CHRM3: variants seen among roughly 807,000 people sequenced by gnomAD.
CHRM3 encodes muscarinic acetylcholine receptor M3.
A neutral mutation model predicts 41.8 loss-of-function variants in CHRM3; 11 were observed. The ratio of observed to expected loss-of-function variants is 0.26; its 90% CI spans 0.17 to 0.44. CHRM3 has a LOEUF of 0.44. Ranked by LOEUF, CHRM3 falls within the 20% of genes least tolerant of loss-of-function variation. The pLI is 1.00. For missense variants in CHRM3, 571 were observed against 745.4 expected (o/e 0.77, Z 2.72); for synonymous variants, 297 against 301.4 (o/e 0.99, Z 0.15).
chr1:239,648,360 T>C (rs1045863739), intron 4 of CHRM3, among the ~76,000 whole-genome samples: 7 of 152,220 alleles, frequency 4.6e-5, no homozygotes, highest in Admixed American at 6.5e-5. Flanking sequence ...TACATTGCCA[T>C]TGTGCACACA....
At chr1:239,679,679 A>G (rs1325162336) in intron 5 of CHRM3, among the ~76,000 whole-genome samples, 1 of 152,056 alleles carries the variant, frequency 6.6e-6, no homozygotes, top group Non-Finnish European at 1.5e-5. Flanking sequence ...AGAAATTGCA[A>G]CTGGTCATCT....
intron 1 of CHRM3, among the ~76,000 whole-genome samples, chr1:239,407,402 A>G (rs1660677439): frequency 7.3e-6 from 1 of 136,374 alleles, no homozygotes; most frequent in African/African-American, 3.0e-5. Context: ...ACCAATGACT[A>G]TAAATATATA....
chr1:239,611,337 T>C, intron 3 of CHRM3, among the ~76,000 whole-genome samples: 1 of 151,866 alleles, frequency 6.6e-6, no homozygotes, highest in African/African-American at 2.4e-5. Context: ...CTCATTTTTA[T>C]AGCATGACTT....
At chr1:239,772,466 T>C (rs1405470000) in intron 5 of CHRM3, among the ~76,000 whole-genome samples, 2 of 152,206 alleles carry the variant, frequency 1.3e-5, no homozygotes, top group African/African-American at 4.8e-5. Context: ...TTCCTTGTTA[T>C]TTAAATTTTT....
At chr1:239,768,036 A>G (rs1489032718) in intron 5 of CHRM3, among the ~76,000 whole-genome samples, 1 of 152,200 alleles carries the variant, frequency 6.6e-6, no homozygotes, top group Non-Finnish European at 1.5e-5. Context: ...GAGTATGTCA[A>G]TAGATACGAT....
intron 4 of CHRM3, among the ~76,000 whole-genome samples, chr1:239,646,132 A>C (rs1671719603): frequency 6.6e-6 from 1 of 152,234 alleles, no homozygotes; most frequent in African/African-American, 2.4e-5. Context: ...CACAATCTAG[A>C]GTCTCACAGA....
At chr1:239,697,085 C>T (rs1356144214) in intron 5 of CHRM3, among the ~76,000 whole-genome samples, 1 of 152,124 alleles carries the variant, frequency 6.6e-6, no homozygotes, top group African/African-American at 2.4e-5. Context: ...TTCTTGTAAA[C>T]ATGAAGTAAA....
At chr1:239,403,135 T>A (rs893555382) in intron 1 of CHRM3, among the ~76,000 whole-genome samples, 7 of 152,192 alleles carry the variant, frequency 4.6e-5, no homozygotes, top group Non-Finnish European at 1.0e-4. Flanking sequence ...ATAACTCTCC[T>A]TGTCCTTTAG....
At chr1:239,531,784 C>T (rs1487494908) in intron 2 of CHRM3, among the ~76,000 whole-genome samples, 1 of 148,804 alleles carries the variant, frequency 6.7e-6, no homozygotes, top group Non-Finnish European at 1.5e-5. Flanking sequence ...CTCAGCCTCC[C>T]GAGTAGCTGG....
intron 1 of CHRM3, among the ~76,000 whole-genome samples, chr1:239,446,265 A>G (rs916676558): frequency 6.6e-6 from 1 of 152,200 alleles, no homozygotes; most frequent in South Asian, 2.1e-4. Flanking sequence ...TCAAGACAGA[A>G]GAAATAACAA....
At position 239,912,433 on chromosome 1, in the gene CHRM3, G is replaced by T. The variant is rs77652383; in HGVS notation, c.*3209G>T. 6.0e-6 allele frequency: 1 copy of T among 167,028 alleles called. No individual in the cohort carries two copies. Among genetic ancestry groups the T allele is most frequent in the Non-Finnish European group, 1.5e-5 (1 of 68,132 alleles). 10.3% of individuals were successfully genotyped at this position (167,028 alleles called of 1,614,324 possible). On this transcript the variant is annotated 3_prime_UTR_variant, in exon 7 of 7. Transcript: ENST00000676153. ...GTGTACAATAGTTGTAGACTCTGACGGAATGAAAACAAACAAGAAGCCTAA... is the reference window on the plus strand; with the variant it reads ...GTGTACAATAGTTGTAGACTCTGACTGAATGAAAACAAACAAGAAGCCTAA...
intron 6 of CHRM3, among the ~76,000 whole-genome samples, chr1:239,867,088 C>T (rs1462463870): frequency 2.6e-5 from 4 of 152,184 alleles, no homozygotes; most frequent in Non-Finnish European, 4.4e-5. Flanking sequence ...GGAATGTTTG[C>T]CCAGACAGCC....
intron 2 of CHRM3, among the ~76,000 whole-genome samples, chr1:239,533,084 C>CT (rs886344053): frequency 1.5e-4 from 23 of 151,244 alleles, no homozygotes; most frequent in Non-Finnish European, 2.2e-4. Flanking sequence ...AAGTTTTTGT[C>CT]TTTTTTTTTA....
chr1:239,496,159 C>A (rs564584933), intron 2 of CHRM3, among the ~76,000 whole-genome samples: 1 of 152,042 alleles, frequency 6.6e-6, no homozygotes, highest in South Asian at 2.1e-4. Context: ...CATATAGATG[C>A]AGAAATGATT....
At chr1:239,749,083 A>ATTTTAT (rs1204315550) in intron 5 of CHRM3, among the ~76,000 whole-genome samples, 1 of 152,138 alleles carries the variant, frequency 6.6e-6, no homozygotes, top group Non-Finnish European at 1.5e-5. Context: ...CCAGATACAT[A>ATTTTAT]TTTATTTTTC....
At chr1:239,662,893 C>CT (rs1553356875) in intron 4 of CHRM3, among the ~76,000 whole-genome samples, 36 of 46,400 alleles carry the variant, frequency 7.8e-4, no homozygotes, top group African/African-American at 2.7e-3. Flanking sequence ...CTTCCTCCTC[C>CT]TCTTCTTCTT....
At chr1:239,518,855 C>G (rs573959403) in intron 2 of CHRM3, among the ~76,000 whole-genome samples, 3 of 152,290 alleles carry the variant, frequency 2.0e-5, no homozygotes, top group African/African-American at 7.2e-5. Context: ...AATACAAAGA[C>G]TTAGTCCACA....
intron 6 of CHRM3, among the ~76,000 whole-genome samples, chr1:239,882,428 G>C (rs1677720209): frequency 6.6e-6 from 1 of 152,168 alleles, no homozygotes; most frequent in Admixed American, 6.5e-5. Flanking sequence ...ACTAGACACT[G>C]TTCAAAATAT....
chr1:239,867,838 TC>T (rs924352566), intron 6 of CHRM3, among the ~76,000 whole-genome samples: 2 of 151,952 alleles, frequency 1.3e-5, no homozygotes, highest in Non-Finnish European at 2.9e-5. Context: ...ACCTTCCATC[TC>T]CCCTCCAAAG....
Sources: allele counts gnomAD v4.1 joint callset (sites outside exome capture counted in the v4.1 genomes callset), GRCh38; gene constraint gnomAD v4.1.1; transcripts MANE v1.5; gene names NCBI Gene and HGNC (gene_info 2026-07-23, HGNC 2026-07-21).